CPNE4: variants seen among roughly 807,000 people sequenced by gnomAD.
CPNE4 encodes the protein copine 4, also known as copine-4.
In CPNE4, 25 loss-of-function variants were observed where a neutral mutation model predicts 67.9. The ratio of observed to expected loss-of-function variants is 0.37; its 90% CI spans 0.27 to 0.51. The LOEUF is 0.51. CPNE4 is among the 20% of genes least tolerant of loss of function. The pLI is 0.93. For missense variants in CPNE4, 464 were observed against 690.8 expected (o/e 0.67, Z 3.68); for synonymous variants, 242 against 244.9 (o/e 0.99, Z 0.11).
At chr3:131,824,774 C>T (rs1385241649) in intron 2 of CPNE4, among the ~76,000 whole-genome samples, 1 of 152,116 alleles carries the variant, frequency 6.6e-6, no homozygotes, top group Non-Finnish European at 1.5e-5. Context: ...AAGTGTCCTT[C>T]TGCTTGCTGC....
At chr3:131,807,112 C>G (rs79401704) in intron 2 of CPNE4, among the ~76,000 whole-genome samples, 4 of 152,102 alleles carry the variant, frequency 2.6e-5, no homozygotes, top group Admixed American at 6.5e-5. Flanking sequence ...TTCTATGCTG[C>G]CAGTGCCTGG....
intron 1 of CPNE4, among the ~76,000 whole-genome samples, chr3:131,913,362 C>T (rs1194779319): frequency 1.3e-5 from 2 of 152,128 alleles, no homozygotes; most frequent in Non-Finnish European, 1.5e-5. Context: ...TGGTATATAA[C>T]CATCGGGGGC....
At chr3:131,721,343 C>CAA (rs58912595) in intron 3 of CPNE4, among the ~76,000 whole-genome samples, 2,623 of 63,432 alleles carry the variant, frequency 0.041, 54 homozygotes, top group Non-Finnish European at 0.056. Flanking sequence ...AGCTTTGGAC[C>CAA]AAAAAAAAAA....
At chr3:131,568,891 G>T (rs1204253722) in intron 10 of CPNE4, among the ~76,000 whole-genome samples, 1 of 152,044 alleles carries the variant, frequency 6.6e-6, no homozygotes, top group African/African-American at 2.4e-5. Context: ...CCTCTGGTTA[G>T]TTGTACCTGC....
intron 11 of CPNE4, among the ~76,000 whole-genome samples, chr3:131,561,544 T>C (rs530881591): frequency 1.9e-4 from 29 of 152,128 alleles, no homozygotes; most frequent in African/African-American, 6.5e-4. Flanking sequence ...AAGAGTTTTA[T>C]GCATCTCTCA....
intron 15 of CPNE4, among the ~76,000 whole-genome samples, chr3:131,541,235 G>T (rs1439424003): frequency 6.6e-6 from 1 of 152,190 alleles, no homozygotes; most frequent in African/African-American, 2.4e-5. Context: ...ACTACCATTA[G>T]CCCCAAGGGA....
chr3:131,970,964 T>G (rs1205845196), intron 1 of CPNE4, among the ~76,000 whole-genome samples: 1 of 152,236 alleles, frequency 6.6e-6, no homozygotes, highest in Admixed American at 6.5e-5. Flanking sequence ...ATAATTTTTG[T>G]AGGCCAGGAA....
intron 7 of CPNE4, among the ~76,000 whole-genome samples, chr3:131,644,889 C>A (rs938516445): frequency 1.3e-5 from 2 of 152,162 alleles, no homozygotes; most frequent in African/African-American, 4.8e-5. Context: ...AAACAGCAAG[C>A]AATTATTCCA....
At chr3:131,786,718 A>G (rs1178377315) in intron 2 of CPNE4, among the ~76,000 whole-genome samples, 1 of 152,152 alleles carries the variant, frequency 6.6e-6, no homozygotes, top group Non-Finnish European at 1.5e-5. Flanking sequence ...CTTTCTAAGA[A>G]AATAGGAATG....
intron 1 of CPNE4, among the ~76,000 whole-genome samples, chr3:131,957,684 T>C (rs2072017973): frequency 6.6e-6 from 1 of 152,194 alleles, no homozygotes; most frequent in Non-Finnish European, 1.5e-5. Flanking sequence ...CAGATCCTGC[T>C]AACTGTGGGA....
At chr3:131,730,595 C>T (rs2082104791) in intron 2 of CPNE4, among the ~76,000 whole-genome samples, 4 of 152,094 alleles carry the variant, frequency 2.6e-5, no homozygotes, top group East Asian at 1.9e-4. Flanking sequence ...GGAGTATGGT[C>T]GGTTTCTGAT....
chr3:131,749,263 T>C (rs1181396192), intron 2 of CPNE4, among the ~76,000 whole-genome samples: 1 of 152,176 alleles, frequency 6.6e-6, no homozygotes, highest in East Asian at 1.9e-4. Flanking sequence ...AGATTTTTCC[T>C]GTTACGTTTC....
At chr3:131,705,868 C>A (rs34000453) in intron 3 of CPNE4, among the ~76,000 whole-genome samples, 1 of 152,096 alleles carries the variant, frequency 6.6e-6, no homozygotes, top group African/African-American at 2.4e-5. Flanking sequence ...AATTATACAC[C>A]TTTGCCTCAT....
chr3:131,556,983 G>T (rs1449121090), intron 11 of CPNE4, among the ~76,000 whole-genome samples: 1 of 152,050 alleles, frequency 6.6e-6, no homozygotes, highest in Non-Finnish European at 1.5e-5. Context: ...GCCTCAGAAA[G>T]GCTAAGTGGC....
At chr3:131,790,833 C>T (rs2083697944) in intron 2 of CPNE4, among the ~76,000 whole-genome samples, 1 of 152,118 alleles carries the variant, frequency 6.6e-6, no homozygotes, top group African/African-American at 2.4e-5. Flanking sequence ...TGTAACCTTC[C>T]TTTTGCCCCT....
chr3:131,858,424 T>C (rs1237298038), intron 2 of CPNE4, among the ~76,000 whole-genome samples: 6 of 152,220 alleles, frequency 3.9e-5, no homozygotes, highest in South Asian at 2.1e-4. Context: ...ATCATCTACA[T>C]AGAAACTTGG....
At chr3:131,876,590 C>T (rs767973013) in intron 2 of CPNE4, among the ~76,000 whole-genome samples, 2 of 143,928 alleles carry the variant, frequency 1.4e-5, no homozygotes, top group Non-Finnish European at 3.0e-5. Flanking sequence ...TGCAGTGAGC[C>T]AAGATCGCAC....
intron 7 of CPNE4, among the ~76,000 whole-genome samples, chr3:131,650,485 C>T (rs376742906): frequency 1.1e-4 from 15 of 142,230 alleles, no homozygotes; most frequent in African/African-American, 2.2e-4. Context: ...CGGCCGGGCG[C>T]GGTGGCTCAC....
chr3:131,727,507 A>G (rs948561087), intron 2 of CPNE4, among the ~76,000 whole-genome samples: 2 of 152,186 alleles, frequency 1.3e-5, no homozygotes, highest in African/African-American at 4.8e-5. Context: ...CAGTCTAATA[A>G]TAAAGTCAAT....
Sources: allele counts gnomAD v4.1 joint callset (sites outside exome capture counted in the v4.1 genomes callset), GRCh38; gene constraint gnomAD v4.1.1; transcripts MANE v1.5; gene names NCBI Gene and HGNC (gene_info 2026-07-23, HGNC 2026-07-21).